Variants in PLCG1 observed in about 807,000 individuals in gnomAD.
The protein encoded by PLCG1 is phospholipase C gamma 1.
In PLCG1, 71 loss-of-function variants were observed where a neutral mutation model predicts 177.8. The observed-to-expected ratio is 0.40, with a 90% CI of 0.33 to 0.49. The LOEUF (loss-of-function observed/expected upper bound fraction) is 0.49. Among genes scored for constraint, PLCG1 ranks in the 20% least tolerant of loss-of-function variants. PLCG1 has a pLI of 0.72. For missense variants in PLCG1, 1,281 were observed against 1,709.0 expected, an observed-to-expected ratio of 0.75 and a Z score of 4.42; for synonymous variants, 658 against 647.9, an observed-to-expected ratio of 1.02 and a Z score of -0.24.
rs1209397385 is a variant in PLCG1 at position 41,173,781 on chromosome 20, A to T, written c.3524A>T (p.Gln1175Leu). 1 of 1,614,052 alleles carries T rather than the reference A, an allele frequency of 6.2e-7. No homozygotes were observed. The highest frequency in any genetic ancestry group is 2.2e-5 in the East Asian group (1 of 44,896). Residue 1175 changes from glutamine to leucine, a missense_variant, in exon 29 of 32, where the codon CAG (glutamine) becomes CTG (leucine). Coordinates refer to ENST00000685551, the MANE Select transcript of PLCG1 (RefSeq NM_002660.3). The surrounding 1 kb of genome is among the most constrained non-coding windows in gnomAD (Gnocchi z 6.2). ...TTTAGTGACCAGAATTTCCTGGCTC[A>T]GGCTACTTTCCCAGTAAAAGGCCTG... ...DMFSDQNFLA[Q>L]ATFPVKGLKT...
At chr20:41,170,089 G>A (rs369702412) in intron 23 of PLCG1, 23 bp from the exon 24 acceptor site, 6 of 1,592,616 alleles carry the variant, frequency 3.8e-6, no homozygotes, top group Non-Finnish European at 5.1e-6. Flanking sequence ...ATTCCCAGCT[G>A]TTATCTGCTC....
At chr20:41,158,830 A>C (rs941779475) in intron 1 of PLCG1, among the ~76,000 whole-genome samples, 3 of 152,226 alleles carry the variant, frequency 2.0e-5, no homozygotes, top group Admixed American at 2.0e-4. Flanking sequence ...CCTTTGCTTT[A>C]CACATGGTAA....
chr20:41,163,025 C>G lies in PLCG1; in HGVS notation c.716+33C>G, dbSNP rs758984848. On this transcript the variant is annotated intron_variant, in intron 7 of 31. Transcript: ENST00000685551. The surrounding 1 kb of genome is among the most constrained non-coding windows in gnomAD (Gnocchi z 5.2). ...TTGGAGTGGGGAGGTGGGGTTTTCC[C>G]TGGGCCCCCTTCATCTCTCCACTGG... The G allele has an allele frequency of 6.2e-7, 1 of 1,609,022 alleles. No homozygotes were observed. Among genetic ancestry groups the G allele is most frequent in the Admixed American group, 1.7e-5 (1 of 60,020 alleles).
intron 1 of PLCG1, among the ~76,000 whole-genome samples, chr20:41,140,966 G>C (rs1052675554): frequency 1.3e-5 from 2 of 152,170 alleles, no homozygotes; most frequent in Non-Finnish European, 2.9e-5. Flanking sequence ...GTTCCCTGTG[G>C]TCCACGTGGC....
chr20:41,156,459 C>G lies in PLCG1; in HGVS notation c.218-3147C>G, dbSNP rs114486337. Among the ~76,000 whole-genome samples, 1 of 152,166 alleles carries G rather than the reference C, an allele frequency of 6.6e-6. No homozygotes were observed. On this transcript the variant is annotated intron_variant, in intron 1 of 31. Coordinates refer to ENST00000685551, the MANE Select transcript of PLCG1 (RefSeq NM_002660.3). The surrounding 1 kb of genome is among the most constrained non-coding windows in gnomAD (Gnocchi z 5.0). ...CTTTGCCTTCTTGGGTCAAGGCGAG[C>G]CTGGGCATTAGGCCTTTGTCATTAT...
intron 20 of PLCG1, among the ~76,000 whole-genome samples, chr20:41,168,347 G>A: frequency 6.6e-6 from 1 of 152,238 alleles, no homozygotes; most frequent in East Asian, 1.9e-4. Flanking sequence ...GACCTGGAAG[G>A]AAGTTTTTCT....
At chr20:41,142,508 G>C (rs2034862603) in intron 1 of PLCG1, among the ~76,000 whole-genome samples, 1 of 152,242 alleles carries the variant, frequency 6.6e-6, no homozygotes, top group Non-Finnish European at 1.5e-5. Flanking sequence ...CAGTTTGCAG[G>C]AGAGAGCTGC....
At chr20:41,155,292 A>G (rs927010405) in intron 1 of PLCG1, among the ~76,000 whole-genome samples, 1 of 152,206 alleles carries the variant, frequency 6.6e-6, no homozygotes, top group Non-Finnish European at 1.5e-5. Flanking sequence ...GCCAAGGCTG[A>G]CCGTCCTATG....
rs2035316403 is a variant in PLCG1 at position 41,156,205 on chromosome 20, A to C, written c.218-3401A>C. On this transcript the variant is annotated intron_variant, in intron 1 of 31. Transcript: ENST00000685551. The surrounding 1 kb of genome is among the most constrained non-coding windows in gnomAD (Gnocchi z 5.0). ...CAGAGTTTGTGAGCGATTCAATATA[A>C]GGGACTAAATCCCCCTCACTGCCCC... Among the ~76,000 whole-genome samples, 1 of 152,216 alleles carries C rather than the reference A, an allele frequency of 6.6e-6. No individual in the cohort carries two copies. The highest frequency in any genetic ancestry group is 2.4e-5 in the African/African-American group (1 of 41,458).
Position 41,150,600 on chromosome 20 carries a change from G to A in PLCG1, c.218-9006G>A, listed in dbSNP as rs2035136223. Among the ~76,000 whole-genome samples, 1 of 152,168 alleles carries A rather than the reference G, an allele frequency of 6.6e-6. No homozygotes were observed. Among genetic ancestry groups the A allele is most frequent in the African/African-American group, 2.4e-5 (1 of 41,446 alleles). On this transcript the variant is annotated intron_variant, in intron 1 of 31. Transcript: ENST00000685551. The surrounding 1 kb of genome is among the most constrained non-coding windows in gnomAD (Gnocchi z 4.0). ...TGCCTGGAGAATCTTCTGGGCTTGT[G>A]CAGAAAAGTTGGGGAAAGCCACCTT...
rs1239629212 is a variant in PLCG1 at position 41,137,592 on chromosome 20, G to A, written c.-50G>A. The stretch of plus-strand genomic sequence containing the variant: ...AACCTCAGCCGCCGCCGTTGCGCTT[G>A]CTCCCGGGCGGTCCTGGCCTGTGCC... On this transcript the variant is annotated 5_prime_UTR_variant, in exon 1 of 32. Coordinates refer to ENST00000685551, the MANE Select transcript of PLCG1 (RefSeq NM_002660.3). The surrounding 1 kb of genome is among the most constrained non-coding windows in gnomAD (Gnocchi z 7.3). 8.6e-7 allele frequency: 1 copy of A among 1,157,564 alleles called. No homozygotes were observed. Among genetic ancestry groups the A allele is most frequent in the Non-Finnish European group, 1.1e-6 (1 of 908,640 alleles). 71.7% of individuals were successfully genotyped at this position (1,157,564 alleles called of 1,614,324 possible). A position where few individuals can be genotyped will look rare whatever the true frequency, so the allele number is the denominator to read the frequency against.
chr20:41,137,715 T>A lies in PLCG1; in HGVS notation c.74T>A (p.Leu25His). The A allele has an allele frequency of 7.6e-7, 1 of 1,312,214 alleles. No homozygotes were observed. Among genetic ancestry groups the A allele is most frequent in the Non-Finnish European group, 9.8e-7 (1 of 1,025,526 alleles). The allele number at this position is 1,312,214 out of a possible 1,614,324, so 81.3% of individuals were successfully genotyped here. ...GAPSDAEVLH[L>H]CRSLEVGTVM... ...CCCTCGGACGCCGAGGTGCTGCACC[T>A]CTGCCGCAGCCTCGAGGTGGGCACC... is the stretch of plus-strand genomic sequence containing the variant. Residue 25 changes from leucine to histidine, a missense_variant, in exon 1 of 32, where the codon CTC becomes CAC. Leu to His is a moderately conservative substitution (Grantham distance 99, BLOSUM62 -3). Coordinates refer to ENST00000685551, the MANE Select transcript of PLCG1 (RefSeq NM_002660.3). This position sits in a 1 kb window ranked among gnomAD's most constrained non-coding sequence, Gnocchi z 7.3.
In PLCG1 at chr20:41,163,643, C is replaced by G; in HGVS notation, c.892-72C>G. On this transcript the variant is annotated intron_variant, in intron 9 of 31. Transcript: ENST00000685551. The surrounding 1 kb of genome is among the most constrained non-coding windows in gnomAD (Gnocchi z 5.2). ...TGGGACAGAGCACTCTCTCTCCTACCCCCAACCTACCATCTTGGGTTGGAC... is the reference window on the plus strand; with the variant it reads ...TGGGACAGAGCACTCTCTCTCCTACGCCCAACCTACCATCTTGGGTTGGAC... The G allele has an allele frequency of 6.0e-6, 7 of 1,169,388 alleles. No homozygotes were observed. In the South Asian group the frequency reaches 6.2e-5, roughly 10 times the overall value. The allele number at this position is 1,169,388 out of a possible 1,614,324, so 72.4% of individuals were successfully genotyped here. A position where few individuals can be genotyped will look rare whatever the true frequency, so the allele number is the denominator to read the frequency against.
At chr20:41,168,907 C>A (rs756991022) in intron 21 of PLCG1, 37 bp downstream of exon 21, 3 of 1,443,754 alleles carry the variant, frequency 2.1e-6, no homozygotes, top group Non-Finnish European at 2.9e-6. Flanking sequence ...AGTCCAAGGG[C>A]CCCAGTGGAG....
Position 41,166,909 on chromosome 20 carries a change from C to G in PLCG1, c.2301+50C>G, listed in dbSNP as rs1204591076. 2 of 1,526,002 alleles carry G rather than the reference C, an allele frequency of 1.3e-6. No individual in the cohort carries two copies. Among genetic ancestry groups the G allele is most frequent in the Admixed American group, 3.4e-5 (2 of 59,652 alleles). The allele number at this position is 1,526,002 out of a possible 1,614,324, so 94.5% of individuals were successfully genotyped here. A position where few individuals can be genotyped will look rare whatever the true frequency, so the allele number is the denominator to read the frequency against. ...CATGGCAGGGGAGGCAGGAGAGACC[C>G]AGAATCTTACCAGTCTCTGGATGTG... On this transcript the variant is annotated intron_variant, in intron 19 of 31. Transcript: ENST00000685551. This position sits in a 1 kb window ranked among gnomAD's most constrained non-coding sequence, Gnocchi z 8.6.
In PLCG1 at chr20:41,166,329, C is replaced by G. The variant is rs777958526; in HGVS notation, c.1935C>G (p.Arg645=). Residue 645 remains arginine, a synonymous_variant, in exon 17 of 32, where the codon CGC becomes CGG. Transcript: ENST00000685551. This position sits in a 1 kb window ranked among gnomAD's most constrained non-coding sequence, Gnocchi z 8.6. The part of the protein sequence containing the change: ...LITHYQQVPL[R]CNEFEMRLSE... ...CGCACTACCAGCAGGTGCCCCTGCG[C>G]TGTAATGAGTTTGAGATGCGACTTT... The G allele has an allele frequency of 3.1e-6, 5 of 1,614,176 alleles. No homozygotes were observed. Among genetic ancestry groups the G allele is most frequent in the Non-Finnish European group, 4.2e-6 (5 of 1,180,046 alleles).
Position 41,163,482 on chromosome 20 carries a change from G to A in PLCG1, c.891+3G>A, listed in dbSNP as rs757835006. The A allele has an allele frequency of 1.9e-6, 3 of 1,599,332 alleles. No individual in the cohort carries two copies. Among genetic ancestry groups the A allele is most frequent in the South Asian group, 1.1e-5 (1 of 90,836 alleles). On this transcript the variant is annotated splice_donor_region_variant and intron_variant, in intron 9 of 31. Coordinates refer to ENST00000685551, the MANE Select transcript of PLCG1 (RefSeq NM_002660.3). The surrounding 1 kb of genome is among the most constrained non-coding windows in gnomAD (Gnocchi z 5.2). The stretch of plus-strand genomic sequence containing the variant: ...AGCCATACTTCTTCCTGGATGAGGT[G>A]AGCCCGATGTTTCACCCATTTTTTG...
At chr20:41,158,674 G>A (rs1600652678) in intron 1 of PLCG1, among the ~76,000 whole-genome samples, 1 of 152,210 alleles carries the variant, frequency 6.6e-6, no homozygotes, top group Admixed American at 6.5e-5. Flanking sequence ...CTTCACAGGT[G>A]TAGCAGTGAG....
Position 41,174,518 on chromosome 20 carries a change from C to A in PLCG1, c.*9C>A. 1 of 1,581,404 alleles carries A rather than the reference C, an allele frequency of 6.3e-7. No individual in the cohort carries two copies. Among genetic ancestry groups the A allele is most frequent in the East Asian group, 2.3e-5 (1 of 43,256 alleles). On this transcript the variant is annotated 3_prime_UTR_variant, in exon 32 of 32. Transcript: ENST00000685551. The surrounding 1 kb of genome is among the most constrained non-coding windows in gnomAD (Gnocchi z 5.8). ...GAGACAACCGCCTCTAGTTGTACCC[C>A]AGCCTCGTTGGAGAGCAGCAGGTGC... is the stretch of plus-strand genomic sequence containing the variant.
Sources: allele counts gnomAD v4.1 joint callset (sites outside exome capture counted in the v4.1 genomes callset), GRCh38; gene constraint gnomAD v4.1.1; non-coding constraint Gnocchi (gnomAD v3.1); transcripts MANE v1.5; gene names NCBI Gene and HGNC (gene_info 2026-07-23, HGNC 2026-07-21).